KCNIP4: variants seen among roughly 807,000 people sequenced by gnomAD.
The protein encoded by KCNIP4 is Kv channel-interacting protein 4.
Under a neutral mutation model 34.0 loss-of-function variants are expected in KCNIP4, and 12 were observed. That is an observed-to-expected ratio of 0.35 (90% CI 0.23 to 0.57). KCNIP4 has a LOEUF of 0.57. KCNIP4 is among the 20% of genes least tolerant of loss of function. The pLI, the probability that KCNIP4 is intolerant of heterozygous loss-of-function variation, is 0.83. For missense variants in KCNIP4, 238 were observed against 311.7 expected, an observed-to-expected ratio of 0.76 and a Z score of 1.78; for synonymous variants, 124 against 102.2, an observed-to-expected ratio of 1.21 and a Z score of -1.29.
intron 1 of KCNIP4, among the ~76,000 whole-genome samples, chr4:21,598,959 C>T (rs142796547): frequency 3.3e-5 from 5 of 152,224 alleles, no homozygotes; most frequent in African/African-American, 9.6e-5. Flanking sequence ...CTTCAGGGAA[C>T]AGACATCTCA....
chr4:21,553,754 T>G (rs1738766765), intron 1 of KCNIP4, among the ~76,000 whole-genome samples: 2 of 152,106 alleles, frequency 1.3e-5, no homozygotes, highest in African/African-American at 2.4e-5. Flanking sequence ...ATATTAGCTA[T>G]TGTTATTATT....
intron 1 of KCNIP4, among the ~76,000 whole-genome samples, chr4:21,225,636 A>G (rs1758322656): frequency 1.3e-5 from 2 of 152,110 alleles, no homozygotes; most frequent in African/African-American, 4.8e-5. Flanking sequence ...CACTCCTCTT[A>G]TAGGATGCTG....
intron 1 of KCNIP4, among the ~76,000 whole-genome samples, chr4:21,407,316 C>A (rs1452122196): frequency 2.0e-5 from 3 of 151,996 alleles, no homozygotes; most frequent in Non-Finnish European, 4.4e-5. Flanking sequence ...TCCAGGTTAG[C>A]CCTATCCAAA....
At chr4:21,460,019 G>T (rs1729313607) in intron 1 of KCNIP4, among the ~76,000 whole-genome samples, 1 of 151,664 alleles carries the variant, frequency 6.6e-6, no homozygotes, top group Non-Finnish European at 1.5e-5. Flanking sequence ...CACTCCTCTG[G>T]TCCAATCTTC....
At chr4:21,822,719 CTTT>C (rs71193413) in intron 1 of KCNIP4, among the ~76,000 whole-genome samples, 4 of 137,840 alleles carry the variant, frequency 2.9e-5, no homozygotes, top group Non-Finnish European at 4.6e-5. Flanking sequence ...ATTAATTTTC[CTTT>C]TTTTTTTTTT....
chr4:20,815,337 G>T (rs1578684944), intron 3 of KCNIP4, among the ~76,000 whole-genome samples: 1 of 152,260 alleles, frequency 6.6e-6, no homozygotes, highest in East Asian at 1.9e-4. Flanking sequence ...TGTCATTTAA[G>T]AGCACATTTT....
intron 3 of KCNIP4, among the ~76,000 whole-genome samples, chr4:20,840,351 A>G (rs1291737168): frequency 6.6e-6 from 1 of 152,164 alleles, no homozygotes; most frequent in East Asian, 1.9e-4. Flanking sequence ...CTTCAAAACT[A>G]GAGACAGTCT....
intron 1 of KCNIP4, among the ~76,000 whole-genome samples, chr4:20,949,456 C>T (rs1303787228): frequency 6.6e-6 from 1 of 152,132 alleles, no homozygotes; most frequent in Non-Finnish European, 1.5e-5. Context: ...GTGGCGATTC[C>T]TCAGGGATCT....
At chr4:20,994,157 A>G (rs1737329503) in intron 1 of KCNIP4, among the ~76,000 whole-genome samples, 1 of 152,218 alleles carries the variant, frequency 6.6e-6, no homozygotes, top group Non-Finnish European at 1.5e-5. Flanking sequence ...ACATAACCCA[A>G]AATAACACAA....
rs150864698 is a variant in KCNIP4 at position 21,221,605 on chromosome 4, T to A, written c.62-338896A>T. Among the ~76,000 whole-genome samples, 33 of 152,224 alleles carry A rather than the reference T, an allele frequency of 2.2e-4. No homozygotes were observed. In the East Asian group the frequency reaches 5.6e-3, roughly 26 times the overall value. On this transcript the variant is annotated intron_variant, in intron 1 of 8. Transcript: ENST00000382152. Reference sequence around the variant, plus strand: ...CCATGATTCAATTACCTCCACCTGGTCTCTCCCTTGACATGTGGAGATTAT... The same window carrying A: ...CCATGATTCAATTACCTCCACCTGGACTCTCCCTTGACATGTGGAGATTAT...
intron 1 of KCNIP4, among the ~76,000 whole-genome samples, chr4:21,212,835 A>C (rs1757314719): frequency 6.6e-6 from 1 of 152,182 alleles, no homozygotes; most frequent in Non-Finnish European, 1.5e-5. Flanking sequence ...GGATTTCAAA[A>C]TATACATTTT....
At chr4:20,858,502 G>C (rs1721855070) in intron 2 of KCNIP4, among the ~76,000 whole-genome samples, 1 of 152,158 alleles carries the variant, frequency 6.6e-6, no homozygotes, top group Admixed American at 6.5e-5. Flanking sequence ...CACAATGAGT[G>C]CTGGGCAGTT....
At chr4:21,145,073 T>A (rs955007604) in intron 1 of KCNIP4, among the ~76,000 whole-genome samples, 6 of 152,182 alleles carry the variant, frequency 3.9e-5, no homozygotes, top group Admixed American at 3.9e-4. Flanking sequence ...AACTTCTTAT[T>A]TCTTTGTTTT....
At chr4:21,600,311 T>C (rs1036513819) in intron 1 of KCNIP4, among the ~76,000 whole-genome samples, 1 of 152,146 alleles carries the variant, frequency 6.6e-6, no homozygotes, top group Non-Finnish European at 1.5e-5. Flanking sequence ...CAAACTTTCA[T>C]AATTACTGAC....
At chr4:20,975,891 G>T (rs969456908) in intron 1 of KCNIP4, among the ~76,000 whole-genome samples, 2 of 152,192 alleles carry the variant, frequency 1.3e-5, no homozygotes, top group East Asian at 1.9e-4. Flanking sequence ...TATGAAAATT[G>T]TATGGGATTC....
chr4:21,209,710 A>G (rs986397893), intron 1 of KCNIP4, among the ~76,000 whole-genome samples: 10 of 151,976 alleles, frequency 6.6e-5, no homozygotes, highest in African/African-American at 2.2e-4. Context: ...TAATCTGTAT[A>G]TTGTATTTTC....
chr4:21,363,355 T>C lies in KCNIP4; in HGVS notation c.62-480646A>G, dbSNP rs75356805. ...GTTTCTGGCTCCAAATCTCTATGAATATAGATAAGAGATACACTCAAAACC... is the reference window on the plus strand; with the variant it reads ...GTTTCTGGCTCCAAATCTCTATGAACATAGATAAGAGATACACTCAAAACC... On this transcript the variant is annotated intron_variant, in intron 1 of 8. Coordinates refer to ENST00000382152, the MANE Select transcript of KCNIP4 (RefSeq NM_025221.6). Among the ~76,000 whole-genome samples, 1,498 of 152,178 alleles carry C rather than the reference T, an allele frequency of 9.8e-3. 60 individuals carry two copies. Among genetic ancestry groups the C allele is most frequent in the Admixed American group, 0.07 (1,073 of 15,266 alleles).
At chr4:20,732,100 G>T in intron 7 of KCNIP4, 32 bp from the exon 8 acceptor site, 1 of 1,483,310 alleles carries the variant, frequency 6.7e-7, no homozygotes, top group Non-Finnish European at 9.4e-7. Context: ...ATTGTATTTA[G>T]ACTTATCCCT....
intron 1 of KCNIP4, among the ~76,000 whole-genome samples, chr4:20,908,964 T>C (rs1301880821): frequency 6.6e-6 from 1 of 152,226 alleles, no homozygotes; most frequent in Non-Finnish European, 1.5e-5. Context: ...TTAACCACAG[T>C]AAACTGTGAC....
Sources: allele counts gnomAD v4.1 joint callset (sites outside exome capture counted in the v4.1 genomes callset), GRCh38; gene constraint gnomAD v4.1.1; transcripts MANE v1.5; gene names NCBI Gene and HGNC (gene_info 2026-07-23, HGNC 2026-07-21).